Variants in MREG observed in about 807,000 individuals in gnomAD.
MREG encodes melanoregulin.
A neutral mutation model predicts 28.5 loss-of-function variants in MREG; 31 were observed. That is an observed-to-expected ratio of 1.09 (90% CI 0.82 to 1.47). MREG has a LOEUF of 1.47. MREG is among the 40% of genes most tolerant of loss of function. MREG has a pLI of 0.00. For missense variants in MREG, 256 were observed against 257.4 expected (o/e 0.99, Z 0.04); for synonymous variants, 106 against 95.2 (o/e 1.11, Z -0.66).
chr2:215,985,473 C>G (rs546749452), intron 2 of MREG, among the ~76,000 whole-genome samples: 1 of 152,206 alleles, frequency 6.6e-6, no homozygotes, highest in Middle Eastern at 3.4e-3. Flanking sequence ...TCCATCAGCT[C>G]CAGAAGCCTT....
chr2:215,980,490 A>C (rs1423558315), intron 2 of MREG, among the ~76,000 whole-genome samples: 1 of 152,226 alleles, frequency 6.6e-6, no homozygotes, highest in Non-Finnish European at 1.5e-5. Context: ...ACCAGGCATC[A>C]GCCTCTTCCA....
At chr2:215,974,852 A>AGT (rs1553550319) in intron 2 of MREG, among the ~76,000 whole-genome samples, 2 of 107,554 alleles carry the variant, frequency 1.9e-5, no homozygotes, top group African/African-American at 6.6e-5. Context: ...ACACACACAC[A>AGT]CTCTCTCTCT....
chr2:215,979,046 C>T (rs914272658), intron 2 of MREG, among the ~76,000 whole-genome samples: 2 of 152,122 alleles, frequency 1.3e-5, no homozygotes, highest in Non-Finnish European at 2.9e-5. Context: ...ATGACAATAG[C>T]CTAGATGTCT....
intron 1 of MREG, among the ~76,000 whole-genome samples, chr2:216,032,064 C>T (rs191865402): frequency 2.0e-5 from 3 of 152,338 alleles, no homozygotes; most frequent in Admixed American, 2.0e-4. Context: ...GACAGCTTTT[C>T]ATGCAGAAGG....
At position 215,979,484 on chromosome 2, in the gene MREG, AT is replaced by A. The variant is rs1559184992; in HGVS notation, c.255+16821del. The stretch of plus-strand genomic sequence containing the variant: ...ATCTCAAAAAATAATAATAATAATA[AT>A]AATAATAATAATAATAATAATAATA... On this transcript the variant is annotated intron_variant, in intron 2 of 4. Coordinates refer to ENST00000263268, the MANE Select transcript of MREG (RefSeq NM_018000.3). 8.2e-3 allele frequency among the ~76,000 whole-genome samples: 1,205 copies of A among 146,130 alleles called. 32 individuals carry two copies. The highest frequency in any genetic ancestry group is 0.028 in the African/African-American group (1,104 of 39,400).
At chr2:216,023,157 C>G (rs540904593) in intron 1 of MREG, among the ~76,000 whole-genome samples, 24 of 152,316 alleles carry the variant, frequency 1.6e-4, no homozygotes, top group African/African-American at 5.8e-4. Flanking sequence ...GTGGACCTCC[C>G]CGACAAAGGT....
rs1692299473 is a variant in MREG, at chr2:215,945,630, C to T, written c.451G>A (p.Glu151Lys). The change falls in exon 4 of 5, where the codon GAA becomes AAA. Residue 151 changes from glutamate (E) to lysine (K), a missense_variant. By Grantham distance (56) the Glu-to-Lys change is moderately conservative (BLOSUM62 1). Transcript: ENST00000263268. The part of the protein sequence containing the change: ...KAREMLLKLA[E>K]ETNIFPTSWE... ...CTTGTTGGGAAAATATTGGTTTCTT[C>T]AGCCAGTTTTAACAACATCTCTCGA... 3.7e-6 allele frequency: 6 copies of T among 1,613,974 alleles called. No individual in the cohort carries two copies. Among genetic ancestry groups the T allele is most frequent in the Non-Finnish European group, 5.1e-6 (6 of 1,179,862 alleles).
At chr2:215,964,915 G>A (rs1864251) in intron 2 of MREG, among the ~76,000 whole-genome samples, 131,249 of 152,016 alleles carry the variant, frequency 0.86, 56,838 homozygotes, top group Non-Finnish European at 0.9. Context: ...AATACCAGAA[G>A]CAAAATGCAA....
chr2:215,966,835 C>G (rs1472978507), intron 2 of MREG, among the ~76,000 whole-genome samples: 2 of 152,062 alleles, frequency 1.3e-5, no homozygotes, highest in Non-Finnish European at 2.9e-5. Flanking sequence ...CTCCTGACCT[C>G]GTGATCCTAC....
intron 1 of MREG, among the ~76,000 whole-genome samples, chr2:216,002,929 TCTC>T (rs1457896531): frequency 4.0e-5 from 6 of 151,310 alleles, no homozygotes; most frequent in Non-Finnish European, 7.4e-5. Context: ...TCTCCTCCTC[TCTC>T]CTTTTTCCTT....
chr2:215,972,997 G>C (rs2105991846), intron 2 of MREG, among the ~76,000 whole-genome samples: 1 of 152,264 alleles, frequency 6.6e-6, no homozygotes, highest in East Asian at 1.9e-4. Context: ...TGGGTGAAAA[G>C]AAGGGAGAAA....
At chr2:215,949,617 G>A (rs1692434614) in intron 2 of MREG, among the ~76,000 whole-genome samples, 1 of 151,922 alleles carries the variant, frequency 6.6e-6, no homozygotes, top group Non-Finnish European at 1.5e-5. Context: ...GAGCATGGAG[G>A]CCATGATACA....
chr2:215,972,617 G>GAA (rs34332971), intron 2 of MREG, among the ~76,000 whole-genome samples: 23 of 103,650 alleles, frequency 2.2e-4, no homozygotes, highest in Admixed American at 3.1e-4. Flanking sequence ...CTCTCTCCCA[G>GAA]AAAAAAAAAA....
chr2:215,973,800 G>A (rs1369339306), intron 2 of MREG, among the ~76,000 whole-genome samples: 1 of 152,160 alleles, frequency 6.6e-6, no homozygotes, highest in African/African-American at 2.4e-5. Flanking sequence ...CCTCTCTGAG[G>A]ACAGCCTAAT....
intron 2 of MREG, among the ~76,000 whole-genome samples, chr2:215,963,209 C>A (rs1306299555): frequency 6.6e-6 from 1 of 152,072 alleles, no homozygotes; most frequent in Non-Finnish European, 1.5e-5. Context: ...CCTGTAATCC[C>A]AGCACTGTGG....
At position 216,013,315 on chromosome 2, in the gene MREG, C is replaced by T. The variant is rs916053035; in HGVS notation, c.13G>A (p.Asp5Asn). The T allele has an allele frequency of 1.3e-6, 2 of 1,547,566 alleles. No individual in the cohort carries two copies. Among genetic ancestry groups the T allele is most frequent in the African/African-American group, 2.7e-5 (2 of 72,862 alleles). ...CAGCAGCACACGGTTCTCAGCCAGT[C>T]CCTCAGCCCCATGGAGAGCGAGGGC... The part of the protein sequence containing the change: MGLR[D>N]WLRTVCCCCG... Residue 5 changes from aspartate to asparagine, a missense_variant, in exon 1 of 5, where the codon GAC becomes AAC. Asp to Asn is a conservative substitution (Grantham distance 23). Coordinates refer to ENST00000263268, the MANE Select transcript of MREG (RefSeq NM_018000.3).
chr2:215,988,713 G>A (rs1214425683), intron 2 of MREG, among the ~76,000 whole-genome samples: 2 of 152,186 alleles, frequency 1.3e-5, no homozygotes, highest in East Asian at 3.8e-4. Context: ...TGGGGGAGGG[G>A]CATCCGCCAT....
intron 1 of MREG, among the ~76,000 whole-genome samples, chr2:216,032,000 T>C (rs1694718182): frequency 6.6e-6 from 1 of 152,266 alleles, no homozygotes; most frequent in African/African-American, 2.4e-5. Context: ...GTTCCTCTCT[T>C]CTTGGTTCAT....
chr2:216,010,958 C>T lies in MREG; in HGVS notation c.95+2275G>A, dbSNP rs1694290001. 2.6e-5 allele frequency among the ~76,000 whole-genome samples: 4 copies of T among 151,598 alleles called. No homozygotes were observed. The South Asian group carries it at 8.4e-4, about 32-fold the overall frequency. ...AAAAATACAAAAAATTAGCCGGGCGCAGTGGCCGGCACCTGTAGTCCCAGC... is the reference window on the plus strand; with the variant it reads ...AAAAATACAAAAAATTAGCCGGGCGTAGTGGCCGGCACCTGTAGTCCCAGC... On this transcript the variant is annotated intron_variant, in intron 1 of 4. Coordinates refer to ENST00000263268, the MANE Select transcript of MREG (RefSeq NM_018000.3).
Sources: allele counts gnomAD v4.1 joint callset (sites outside exome capture counted in the v4.1 genomes callset), GRCh38; gene constraint gnomAD v4.1.1; transcripts MANE v1.5; gene names NCBI Gene and HGNC (gene_info 2026-07-23, HGNC 2026-07-21).